Variants in TSKU observed in about 807,000 individuals in gnomAD.
TSKU encodes the protein tsukushi.
Under a neutral mutation model 11.2 loss-of-function variants are expected in TSKU, and 4 were observed. The ratio of observed to expected loss-of-function variants is 0.36; its 90% confidence interval spans 0.18 to 0.82. The LOEUF is 0.82. Among genes scored for constraint, TSKU ranks in the 40% least tolerant of loss-of-function variants. The pLI, the probability that TSKU is intolerant of heterozygous loss-of-function variation, is 0.50. For missense variants in TSKU, 407 were observed against 482.5 expected (o/e 0.84, Z 1.47); for synonymous variants, 220 against 232.2 (o/e 0.95, Z 0.48).
chr11:76,795,194 G>T (rs998209344), intron 1 of TSKU, among the ~76,000 whole-genome samples: 1 of 152,180 alleles, frequency 6.6e-6, no homozygotes, highest in Admixed American at 6.5e-5. Flanking sequence ...CCAAACCAGG[G>T]ACTCTGGACC....
chr11:76,795,141 C>T (rs1369886841), intron 1 of TSKU, among the ~76,000 whole-genome samples: 1 of 152,230 alleles, frequency 6.6e-6, no homozygotes, highest in African/African-American at 2.4e-5. Context: ...ACCCTACCCT[C>T]AGCCCTGTGG....
At chr11:76,792,260 G>A (rs1944381454) in intron 1 of TSKU, 1 of 152,234 alleles carries the variant, frequency 6.6e-6, no homozygotes. Flanking sequence ...TTTCTTCCAT[G>A]TGGAACAGCT....
intron 1 of TSKU, among the ~76,000 whole-genome samples, chr11:76,790,588 C>A (rs1373492440): frequency 6.6e-6 from 1 of 152,104 alleles, no homozygotes; most frequent in African/African-American, 2.4e-5. Context: ...TGGGAGGGAC[C>A]CAGTGGGAGG....
At chr11:76,786,068 T>C (rs1251913165) in intron 1 of TSKU, among the ~76,000 whole-genome samples, 2 of 152,264 alleles carry the variant, frequency 1.3e-5, no homozygotes, top group Non-Finnish European at 2.9e-5. Context: ...AGAGACAGCA[T>C]TGACTCTGGT....
intron 1 of TSKU, among the ~76,000 whole-genome samples, chr11:76,787,200 G>A (rs1944321232): frequency 6.6e-6 from 1 of 152,182 alleles, no homozygotes; most frequent in Admixed American, 6.5e-5. Context: ...AACCCAGACT[G>A]CCTGGCTACA....
Position 76,797,028 on chromosome 11 carries a change from T to C in TSKU, c.*350T>C. The C allele has an allele frequency of 4.8e-6, 1 of 206,442 alleles. No individual in the cohort carries two copies. Among genetic ancestry groups the C allele is most frequent in the Non-Finnish European group, 1.1e-5 (1 of 94,316 alleles). 12.8% of individuals were successfully genotyped at this position (206,442 alleles called of 1,614,324 possible). Reference sequence around the variant, plus strand: ...TGGGCAGAGGGTGGGTGGGACCCCCTGCTGCAGGGCAGAGTTCAGGTCCAC... The same window carrying C: ...TGGGCAGAGGGTGGGTGGGACCCCCCGCTGCAGGGCAGAGTTCAGGTCCAC... On this transcript the variant is annotated 3_prime_UTR_variant, in exon 2 of 2. Coordinates refer to ENST00000333090, the MANE Select transcript of TSKU (RefSeq NM_015516.4).
chr11:76,792,119 T>G (rs1055153988), intron 1 of TSKU: 1 of 152,246 alleles, frequency 6.6e-6, no homozygotes, highest in African/African-American at 2.4e-5. Flanking sequence ...GGAACCCACC[T>G]CTTGCATCAG....
Position 76,784,349 on chromosome 11 carries a change from G to GGA in TSKU, c.-9+945_-9+946insGA, listed in dbSNP as rs3837384. On this transcript the variant is annotated intron_variant, in intron 1 of 1. Transcript: ENST00000333090. ...TTGCAGCCCGCCCCCGGGGTAGGGGGCCAACCCTCGGACCCGGTAGGGGAG... is the reference window on the plus strand; with the variant it reads ...TTGCAGCCCGCCCCCGGGGTAGGGGGGACCAACCCTCGGACCCGGTAGGGGAG... 5.0e-3 allele frequency: 761 copies of GGA among 152,420 alleles called. 5 individuals are homozygous for GGA. Among genetic ancestry groups the GGA allele is most frequent in the Non-Finnish European group, 8.2e-3 (556 of 68,150 alleles). 9.4% of individuals were successfully genotyped at this position (152,420 alleles called of 1,614,324 possible).
intron 1 of TSKU, among the ~76,000 whole-genome samples, chr11:76,789,264 T>A (rs1362893416): frequency 6.6e-6 from 1 of 152,120 alleles, no homozygotes; most frequent in Non-Finnish European, 1.5e-5. Flanking sequence ...AGGGTTCAAA[T>A]CCAGATGAGG....
At chr11:76,783,087 A>T (rs1336618965), upstream of TSKU, 1 of 152,244 alleles carries the variant, frequency 6.6e-6, no homozygotes, top group Non-Finnish European at 1.5e-5. Context: ...GGGATCCGGG[A>T]TGCAGGAAGC....
intron 1 of TSKU, chr11:76,784,413 G>C (rs1396016053): frequency 6.6e-6 from 1 of 152,362 alleles, no homozygotes; most frequent in Non-Finnish European, 1.5e-5. Flanking sequence ...TGCCCGAGGC[G>C]CCGGCTCACA....
Position 76,796,538 on chromosome 11 carries a change from G to A in TSKU, c.922G>A (p.Val308Ile), listed in dbSNP as rs3740771. The change falls in exon 2 of 2, where the codon GTC becomes ATC. Residue 308 changes from valine (V) to isoleucine (I), a missense_variant. Val to Ile is a conservative substitution (Grantham distance 29). Coordinates refer to ENST00000333090, the MANE Select transcript of TSKU (RefSeq NM_015516.4). The surrounding 1 kb of genome is among the most constrained non-coding windows in gnomAD (Gnocchi z 4.1). ...LLLHLPALQS[V>I]SVGQDVRCRR... is the part of the protein sequence containing the mutation. ...CCTCCACCTCCCGGCACTGCAGAGC[G>A]TCAGCGTGGGCCAGGATGTGCGGTG... 8,741 of 1,605,826 alleles carry A rather than the reference G, an allele frequency of 5.4e-3. 178 individuals carry two copies. In the East Asian group the frequency reaches 0.061, roughly 11 times the overall value.
At position 76,796,203 on chromosome 11, in the gene TSKU, T is replaced by A. The variant is rs1307464458; in HGVS notation, c.587T>A (p.Leu196His). ...AGCCTGAACCTGGCCTGGAACCGGC[T>A]CCATGCCGTGCCCAACCTCCGAGAC... Reference protein sequence around the residue: ...IQSLNLAWNRLHAVPNLRDLP... With the variant: ...IQSLNLAWNRHHAVPNLRDLP... Residue 196 changes from leucine to histidine, a missense_variant, in exon 2 of 2, where the codon CTC becomes CAC. Physicochemically the swap from Leu to His is moderately conservative, Grantham distance 99. Coordinates refer to ENST00000333090, the MANE Select transcript of TSKU (RefSeq NM_015516.4). The surrounding 1 kb of genome is among the most constrained non-coding windows in gnomAD (Gnocchi z 4.1). 2 of 1,613,482 alleles carry A rather than the reference T, an allele frequency of 1.2e-6. No individual in the cohort carries two copies.
rs1288524266 is a variant in TSKU, at chr11:76,797,394, G to T, written c.*716G>T. On this transcript the variant is annotated 3_prime_UTR_variant, in exon 2 of 2. Coordinates refer to ENST00000333090, the MANE Select transcript of TSKU (RefSeq NM_015516.4). ...CGCCTGGGCTCCCCTTGCTGCCCTT[G>T]CCTGTTCCCCATTAGCACAGGAGTA... 3 of 167,200 alleles carry T rather than the reference G, an allele frequency of 1.8e-5. No individual in the cohort carries two copies. The highest frequency in any genetic ancestry group is 4.4e-5 in the Non-Finnish European group (3 of 68,192). The allele number at this position is 167,200 out of a possible 1,614,324, so 10.4% of individuals were successfully genotyped here.
At chr11:76,786,218 G>C (rs937787650) in intron 1 of TSKU, among the ~76,000 whole-genome samples, 1 of 152,234 alleles carries the variant, frequency 6.6e-6, no homozygotes. Flanking sequence ...ATGTGGCCAG[G>C]CTCGTGCAGG....
intron 1 of TSKU, among the ~76,000 whole-genome samples, chr11:76,785,950 GGT>G (rs1944307414): frequency 6.6e-6 from 1 of 152,106 alleles, no homozygotes; most frequent in Admixed American, 6.5e-5. Flanking sequence ...CCACTGATTT[GGT>G]GTATTAAATA....
chr11:76,794,959 T>C (rs1944421362), intron 1 of TSKU, among the ~76,000 whole-genome samples: 1 of 152,214 alleles, frequency 6.6e-6, no homozygotes, highest in Non-Finnish European at 1.5e-5. Flanking sequence ...CACTCTGCTG[T>C]GTGGCTGTCC....
At position 76,783,611 on chromosome 11, in the gene TSKU, G is replaced by C. The variant is rs368895099; in HGVS notation, c.-9+207G>C. Among the ~76,000 whole-genome samples the C allele has an allele frequency of 4.6e-5, 7 of 152,308 alleles. No individual in the cohort carries two copies. The South Asian group carries it at 1.4e-3, about 32-fold the overall frequency. On this transcript the variant is annotated intron_variant, in intron 1 of 1. Transcript: ENST00000333090. ...AACGCCGACCCAGGGGAGAGGTCTTGCGGGAGACAAAGGCTACGCCCAGGG... is the reference window on the plus strand; with the variant it reads ...AACGCCGACCCAGGGGAGAGGTCTTCCGGGAGACAAAGGCTACGCCCAGGG...
chr11:76,783,662 G>A (rs1241672363), intron 1 of TSKU, among the ~76,000 whole-genome samples: 2 of 152,204 alleles, frequency 1.3e-5, no homozygotes, highest in Non-Finnish European at 2.9e-5. Flanking sequence ...GTGCGGACAC[G>A]TGCATCTCAC....
Sources: allele counts gnomAD v4.1 joint callset (sites outside exome capture counted in the v4.1 genomes callset), GRCh38; gene constraint gnomAD v4.1.1; non-coding constraint Gnocchi (gnomAD v3.1); transcripts MANE v1.5; gene names NCBI Gene and HGNC (gene_info 2026-07-23, HGNC 2026-07-21).